The following GRIA4 variants were observed in gnomAD, a reference collection of about 807,000 sequenced individuals.
GRIA4 encodes glutamate receptor 4.
A neutral mutation model predicts 104.0 loss-of-function variants in GRIA4; 34 were observed. That is an observed-to-expected ratio of 0.33 (90% CI 0.25 to 0.44). GRIA4 has a LOEUF of 0.44. GRIA4 is among the 20% of genes least tolerant of loss of function. The pLI is 1.00. For missense variants in GRIA4, 750 were observed against 1,096.5 expected (o/e 0.68, Z 4.46); for synonymous variants, 386 against 381.9 (o/e 1.01, Z -0.13).
intron 10 of GRIA4, among the ~76,000 whole-genome samples, chr11:105,917,813 A>AGGGTGT (rs1947450198): frequency 1.5e-5 from 1 of 67,584 alleles, no homozygotes; most frequent in African/African-American, 6.2e-5. Flanking sequence ...GTTTGGTTTA[A>AGGGTGT]GGGTGTGTGT....
intron 3 of GRIA4, among the ~76,000 whole-genome samples, chr11:105,744,479 G>A (rs1274250812): frequency 6.6e-6 from 1 of 152,074 alleles, no homozygotes; most frequent in Non-Finnish European, 1.5e-5. Flanking sequence ...TATCTACAAG[G>A]CTAGGAAGTT....
chr11:105,975,361 T>A (rs2136291679), intron 16 of GRIA4, among the ~76,000 whole-genome samples: 1 of 152,236 alleles, frequency 6.6e-6, no homozygotes, highest in Admixed American at 6.5e-5. Context: ...ACTATTTTTT[T>A]TTTCATTTCC....
At chr11:105,686,621 C>T (rs1026469665) in intron 3 of GRIA4, among the ~76,000 whole-genome samples, 86 of 152,222 alleles carry the variant, frequency 5.6e-4, no homozygotes, top group Non-Finnish European at 1.2e-4. Context: ...AATGGTAGCT[C>T]TGTTTTAAGT....
intron 3 of GRIA4, among the ~76,000 whole-genome samples, chr11:105,742,559 CAT>C (rs892064534): frequency 1.1e-4 from 16 of 151,622 alleles, no homozygotes; most frequent in African/African-American, 1.7e-4. Flanking sequence ...CACACACACA[CAT>C]ATACATGTGT....
chr11:105,823,103 T>C (rs1231643118), intron 4 of GRIA4, among the ~76,000 whole-genome samples: 1 of 152,130 alleles, frequency 6.6e-6, no homozygotes, highest in African/African-American at 2.4e-5. Context: ...TTAATCTTGT[T>C]CAGGATTTCT....
chr11:105,800,401 G>A (rs189514214), intron 4 of GRIA4, among the ~76,000 whole-genome samples: 29 of 152,160 alleles, frequency 1.9e-4, no homozygotes, highest in Middle Eastern at 3.4e-3. Context: ...AATGAGGACA[G>A]TAATTGCCTC....
At chr11:105,821,118 A>T (rs1256778441) in intron 4 of GRIA4, among the ~76,000 whole-genome samples, 12 of 152,160 alleles carry the variant, frequency 7.9e-5, no homozygotes, top group Admixed American at 7.9e-4. Flanking sequence ...GAGCTCACTC[A>T]GTTTCAACAC....
At chr11:105,834,456 A>C (rs1944101327) in intron 4 of GRIA4, among the ~76,000 whole-genome samples, 1 of 152,080 alleles carries the variant, frequency 6.6e-6, no homozygotes. Context: ...ACATGAGTAC[A>C]GCCTCACTAA....
At position 105,862,105 on chromosome 11, in the gene GRIA4, A is replaced by G. The variant is rs778882110; in HGVS notation, c.569A>G (p.Asn190Ser). Reference protein sequence around the residue: ...HVSAICVENFNDVSYRQLLEE... With the variant: ...HVSAICVENFSDVSYRQLLEE... ...AGCGCTATATGTGTGGAAAATTTTA[A>G]TGATGTCAGCTATAGGCAACTTCTA... The change falls in exon 5 of 17, where the codon AAT becomes AGT. Residue 190 changes from asparagine (N) to serine (S), a missense_variant. Around this residue, in one of 3 missense-constraint regions of GRIA4, gnomAD observed 410 missense variants for 502.7 expected, o/e 0.82. Coordinates refer to ENST00000282499, the MANE Select transcript of GRIA4 (RefSeq NM_000829.4). 14 of 1,610,348 alleles carry G rather than the reference A, an allele frequency of 8.7e-6. No homozygotes were observed. The East Asian group carries it at 3.1e-4, about 36-fold the overall frequency.
chr11:105,688,417 C>T (rs186375978), intron 3 of GRIA4, among the ~76,000 whole-genome samples: 15 of 151,916 alleles, frequency 9.9e-5, no homozygotes, highest in East Asian at 1.9e-4. Context: ...AAAAATTAGC[C>T]GGGCGTGGTG....
chr11:105,808,362 C>T (rs1034526633), intron 4 of GRIA4, among the ~76,000 whole-genome samples: 4 of 151,898 alleles, frequency 2.6e-5, no homozygotes, highest in Admixed American at 2.0e-4. Flanking sequence ...GTCCTTTCTC[C>T]CTGGATCCAA....
intron 4 of GRIA4, among the ~76,000 whole-genome samples, chr11:105,806,883 C>T (rs1021107616): frequency 1.3e-5 from 2 of 150,674 alleles, no homozygotes; most frequent in African/African-American, 4.9e-5. Context: ...AAAAAGATAA[C>T]AAAAATAAAT....
intron 6 of GRIA4, among the ~76,000 whole-genome samples, chr11:105,895,949 A>G (rs1028563523): frequency 3.7e-4 from 56 of 152,200 alleles, no homozygotes; most frequent in African/African-American, 1.3e-3. Context: ...CAGTGGTGGG[A>G]TTACTAGGTC....
chr11:105,887,470 T>C lies in GRIA4; in HGVS notation c.673-49T>C, dbSNP rs376213811. The C allele has an allele frequency of 5.6e-4, 421 of 746,466 alleles. 1 individual carries two copies. The highest frequency in any genetic ancestry group is 5.6e-3 in the African/African-American group (311 of 55,678). 46.2% of individuals were successfully genotyped at this position (746,466 alleles called of 1,614,324 possible). ...AATAGATAATAATTTTAAAATAATA[T>C]TTCAGTGAATTAAAATTGATTTTCT... On this transcript the variant is annotated intron_variant, in intron 5 of 16. Transcript: ENST00000282499.
chr11:105,842,448 A>T (rs1358965895), intron 4 of GRIA4, among the ~76,000 whole-genome samples: 4 of 152,210 alleles, frequency 2.6e-5, no homozygotes, highest in Non-Finnish European at 4.4e-5. Flanking sequence ...TAACTGAGGT[A>T]AGAGATGATG....
chr11:105,911,201 A>T (rs188945777), intron 10 of GRIA4, among the ~76,000 whole-genome samples: 1 of 152,194 alleles, frequency 6.6e-6, no homozygotes, highest in Non-Finnish European at 1.5e-5. Context: ...AATTAAGAAG[A>T]ATACGATTGC....
At chr11:105,774,884 T>C (rs1483988683) in intron 4 of GRIA4, among the ~76,000 whole-genome samples, 1 of 152,204 alleles carries the variant, frequency 6.6e-6, no homozygotes, top group Non-Finnish European at 1.5e-5. Context: ...TTTCTATGGA[T>C]GCTGTAATAA....
chr11:105,795,776 A>C (rs1942454884), intron 4 of GRIA4, among the ~76,000 whole-genome samples: 1 of 152,160 alleles, frequency 6.6e-6, no homozygotes, highest in Admixed American at 6.6e-5. Flanking sequence ...TGGTGCTAGA[A>C]CATCGATGCT....
chr11:105,764,654 G>A (rs939756311), intron 4 of GRIA4, among the ~76,000 whole-genome samples: 3 of 152,024 alleles, frequency 2.0e-5, no homozygotes, highest in Non-Finnish European at 4.4e-5. Context: ...ATACATTGAA[G>A]AGTTAGCAGA....
Sources: gnomAD v4.1 joint callset for allele counts (sites outside exome capture counted in the v4.1 genomes callset) on GRCh38, gnomAD v4.1.1 for gene constraint, gnomAD v4.1.1 regional missense constraint, MANE v1.5 for transcripts, NCBI Gene and HGNC (gene_info 2026-07-23, HGNC 2026-07-21) for gene names.